The following SCFD2 variants were observed in gnomAD, a reference collection of about 807,000 sequenced individuals.
The protein encoded by SCFD2 is sec1 family domain-containing protein 2.
A neutral mutation model predicts 58.9 loss-of-function variants in SCFD2; 54 were observed. That is an observed-to-expected ratio of 0.92 (90% CI 0.74 to 1.15). SCFD2 has a LOEUF of 1.15. SCFD2 is among the 50% of genes most tolerant of loss of function. The pLI is 0.00. For synonymous variants in SCFD2, 321 were observed against 335.9 expected (o/e 0.96, Z 0.49); for missense variants, 805 against 836.6 (o/e 0.96, Z 0.47).
chr4:52,914,432 T>G (rs1719556833), intron 6 of SCFD2, among the ~76,000 whole-genome samples: 1 of 152,198 alleles, frequency 6.6e-6, no homozygotes, highest in South Asian at 2.1e-4. Flanking sequence ...GCTCTCTCAC[T>G]CCTGAGCTGT....
At chr4:53,254,223 G>A (rs73147392) in intron 4 of SCFD2, among the ~76,000 whole-genome samples, 2,642 of 152,172 alleles carry the variant, frequency 0.017, 89 homozygotes, top group African/African-American at 0.06. Flanking sequence ...TAATCCTCAC[G>A]TGTCAAAAGC....
intron 4 of SCFD2, among the ~76,000 whole-genome samples, chr4:53,196,385 T>G (rs1728056882): frequency 6.6e-6 from 1 of 152,186 alleles, no homozygotes; most frequent in Non-Finnish European, 1.5e-5. Context: ...GATAAAGGTT[T>G]CCTTCCTACT....
chr4:52,892,628 A>C (rs1258284597), intron 7 of SCFD2, among the ~76,000 whole-genome samples: 1 of 151,316 alleles, frequency 6.6e-6, no homozygotes, highest in Admixed American at 6.6e-5. Context: ...GCAAAATCCA[A>C]CTCCCCTGGG....
intron 5 of SCFD2, among the ~76,000 whole-genome samples, chr4:52,967,132 T>A (rs1010819183): frequency 2.0e-5 from 3 of 152,238 alleles, no homozygotes; most frequent in South Asian, 4.1e-4. Context: ...TTACTTCAGT[T>A]AGCATAATGT....
At chr4:53,010,190 C>T (rs1213273968) in intron 5 of SCFD2, among the ~76,000 whole-genome samples, 1 of 152,156 alleles carries the variant, frequency 6.6e-6, no homozygotes, top group Admixed American at 6.5e-5. Context: ...CTTGCTCTGG[C>T]CTCAAAGAAA....
At chr4:52,971,679 C>G (rs1377956696) in intron 5 of SCFD2, among the ~76,000 whole-genome samples, 2 of 152,162 alleles carry the variant, frequency 1.3e-5, no homozygotes, top group African/African-American at 2.4e-5. Context: ...CACAAAGATA[C>G]TCCTTGAGAA....
At chr4:53,023,781 C>A (rs949784059) in intron 5 of SCFD2, among the ~76,000 whole-genome samples, 1 of 152,150 alleles carries the variant, frequency 6.6e-6, no homozygotes, top group Non-Finnish European at 1.5e-5. Flanking sequence ...ATAAATGCAA[C>A]TGCAAGTGCT....
At chr4:53,139,942 C>G (rs1195685497) in intron 5 of SCFD2, among the ~76,000 whole-genome samples, 1 of 152,086 alleles carries the variant, frequency 6.6e-6, no homozygotes, top group Non-Finnish European at 1.5e-5. Context: ...GTGCTGTGTC[C>G]ACTCAGGGTT....
chr4:53,159,370 A>G (rs1726786956), intron 4 of SCFD2, among the ~76,000 whole-genome samples: 1 of 152,178 alleles, frequency 6.6e-6, no homozygotes, highest in African/African-American at 2.4e-5. Context: ...TTTCTTCAAA[A>G]TATACATCGA....
chr4:53,087,234 T>G (rs1724332539), intron 5 of SCFD2, among the ~76,000 whole-genome samples: 1 of 152,158 alleles, frequency 6.6e-6, no homozygotes, highest in African/African-American at 2.4e-5. Context: ...CTGGCTGAAT[T>G]GTGTTCATGT....
rs1219966416 is a variant in SCFD2, at chr4:53,043,371, T to A, written c.1561+101962A>T. 2.0e-5 allele frequency among the ~76,000 whole-genome samples: 3 copies of A among 152,128 alleles called. No individual in the cohort carries two copies. In the South Asian group the frequency reaches 6.2e-4, roughly 32 times the overall value. On this transcript the variant is annotated intron_variant, in intron 5 of 8. Transcript: ENST00000401642. ...GATCTTAGCTGTCAACTAACAAATG[T>A]AAATAAATTAGGGAGACTTGACATA...
chr4:53,350,398 A>G (rs569733005), intron 2 of SCFD2, among the ~76,000 whole-genome samples: 1 of 152,316 alleles, frequency 6.6e-6, no homozygotes, highest in African/African-American at 2.4e-5. Flanking sequence ...AATGCCTTAA[A>G]CAGGTTTTTC....
intron 3 of SCFD2, among the ~76,000 whole-genome samples, chr4:53,305,562 CTT>C (rs1732486729): frequency 6.6e-6 from 1 of 152,156 alleles, no homozygotes; most frequent in South Asian, 2.1e-4. Context: ...TAATGCCACT[CTT>C]TTCACTACCT....
rs74469544 is a variant in SCFD2 at position 53,245,719 on chromosome 4, T to C, written c.1311+28107A>G. Among the ~76,000 whole-genome samples the C allele has an allele frequency of 4.6e-3, 695 of 152,232 alleles. 4 individuals are homozygous for C. Among genetic ancestry groups the C allele is most frequent in the Middle Eastern group, 0.044 (13 of 294 alleles). ...ACATACATCAAAATAGTAAGGACCA[T>C]CTATGCCAAATCACAGCTAACATCA... On this transcript the variant is annotated intron_variant, in intron 4 of 8. Transcript: ENST00000401642.
intron 3 of SCFD2, among the ~76,000 whole-genome samples, chr4:53,295,480 T>C (rs1003802354): frequency 2.0e-5 from 3 of 152,176 alleles, no homozygotes; most frequent in Admixed American, 6.5e-5. Context: ...TTTTTGCAGA[T>C]TGACTTTGTA....
intron 4 of SCFD2, among the ~76,000 whole-genome samples, chr4:53,173,555 T>C (rs1727241403): frequency 6.6e-6 from 1 of 152,162 alleles, no homozygotes; most frequent in African/African-American, 2.4e-5. Flanking sequence ...TTCTTTTTAT[T>C]GGAAAATCTA....
At chr4:53,188,112 T>TGCC (rs1727788200) in intron 4 of SCFD2, among the ~76,000 whole-genome samples, 1 of 151,976 alleles carries the variant, frequency 6.6e-6, no homozygotes, top group South Asian at 2.1e-4. Flanking sequence ...AATGGTTAAA[T>TGCC]GGCAATAGAA....
chr4:53,331,606 G>C (rs939617382), intron 2 of SCFD2, among the ~76,000 whole-genome samples: 7 of 152,214 alleles, frequency 4.6e-5, no homozygotes, highest in South Asian at 2.1e-4. Context: ...AGTGTGTAGA[G>C]GGAAATTTAT....
chr4:53,256,722 C>T (rs62324286), intron 4 of SCFD2, among the ~76,000 whole-genome samples: 85,700 of 150,910 alleles, frequency 0.57, 24,537 homozygotes, highest in Middle Eastern at 0.65. Context: ...CAAAAAAATA[C>T]GAAAACCAGT....
Sources: gnomAD v4.1 joint callset for allele counts (sites outside exome capture counted in the v4.1 genomes callset) on GRCh38, gnomAD v4.1.1 for gene constraint, MANE v1.5 for transcripts, NCBI Gene and HGNC (gene_info 2026-07-23, HGNC 2026-07-21) for gene names.